The following PDE1C variants were observed in gnomAD, a reference collection of about 807,000 sequenced individuals.
The protein encoded by PDE1C is phosphodiesterase 1C.
PDE1C carries 62 observed loss-of-function variants against 93.1 expected under a neutral mutation model. The ratio of observed to expected loss-of-function variants is 0.67; its 90% CI spans 0.54 to 0.82. The LOEUF (loss-of-function observed/expected upper bound fraction) is 0.82. Ranked by LOEUF, PDE1C falls within the 40% of genes least tolerant of loss-of-function variation. PDE1C has a pLI of 0.00. For synonymous variants in PDE1C, 325 were observed against 310.1 expected, an observed-to-expected ratio of 1.05 and a Z score of -0.50; for missense variants, 742 against 884.6, an observed-to-expected ratio of 0.84 and a Z score of 2.04.
the PDE1C span, among the ~76,000 whole-genome samples, chr7:31,623,515 C>T: frequency 2.6e-5 from 4 of 151,940 alleles, no homozygotes; most frequent in Non-Finnish European, 4.4e-5. Context: ...ACACGATTAT[C>T]TCAATAGATG....
chr7:31,906,907 C>T (rs1377202059), intron 2 of PDE1C, among the ~76,000 whole-genome samples: 1 of 152,158 alleles, frequency 6.6e-6, no homozygotes, highest in East Asian at 1.9e-4. Flanking sequence ...CGCTTTTAAG[C>T]CTTCAGTAGC....
intron 1 of PDE1C, among the ~76,000 whole-genome samples, chr7:32,317,288 G>C (rs1430776329): frequency 6.6e-6 from 1 of 152,120 alleles, no homozygotes; most frequent in Non-Finnish European, 1.5e-5. Context: ...TCCAGCTACT[G>C]TGCCAGACTC....
the PDE1C span, among the ~76,000 whole-genome samples, chr7:31,684,780 T>G: frequency 6.6e-6 from 1 of 152,194 alleles, no homozygotes; most frequent in African/African-American, 2.4e-5. Flanking sequence ...CAAATTCTGG[T>G]GAAGATACAG....
intron 2 of PDE1C, among the ~76,000 whole-genome samples, chr7:31,972,456 T>C (rs1477876228): frequency 6.6e-6 from 1 of 152,200 alleles, no homozygotes; most frequent in Non-Finnish European, 1.5e-5. Context: ...AGAAAGTCTC[T>C]AAGCAAGAGC....
At chr7:31,880,526 C>T (rs146522753) in intron 3 of PDE1C, among the ~76,000 whole-genome samples, 5 of 152,088 alleles carry the variant, frequency 3.3e-5, no homozygotes, top group East Asian at 1.9e-4. Flanking sequence ...CTTGTCATGG[C>T]GGCCATATGA....
chr7:31,737,318 A>G, the PDE1C span, among the ~76,000 whole-genome samples: 1 of 152,078 alleles, frequency 6.6e-6, no homozygotes, highest in Non-Finnish European at 1.5e-5. Context: ...AAAAAAATAT[A>G]TAGATAAATG....
chr7:32,224,106 C>T (rs893110887), intron 1 of PDE1C, among the ~76,000 whole-genome samples: 8 of 152,330 alleles, frequency 5.3e-5, no homozygotes, highest in South Asian at 4.1e-4. Flanking sequence ...GGCACAGTGG[C>T]TCACACCTGT....
At chr7:32,327,811 T>C (rs750623589) in intron 1 of PDE1C, among the ~76,000 whole-genome samples, 7 of 38,554 alleles carry the variant, frequency 1.8e-4, no homozygotes, top group Non-Finnish European at 7.6e-4. Context: ...TAGTGTGGCT[T>C]CTTTTGTGTC....
At chr7:31,896,919 C>A (rs73690326) in intron 2 of PDE1C, among the ~76,000 whole-genome samples, 2,957 of 152,312 alleles carry the variant, frequency 0.019, 96 homozygotes, top group African/African-American at 0.067. Context: ...TACCACAGGA[C>A]ATCTAGCCCA....
At chr7:31,714,823 C>A in the PDE1C span, among the ~76,000 whole-genome samples, 1 of 152,174 alleles carries the variant, frequency 6.6e-6, no homozygotes, top group Non-Finnish European at 1.5e-5. Flanking sequence ...AATTACCTCC[C>A]ACCAGGTCCC....
chr7:32,137,100 T>C (rs2128776992), intron 3 of PDE1C, among the ~76,000 whole-genome samples: 1 of 152,338 alleles, frequency 6.6e-6, no homozygotes, highest in Admixed American at 6.5e-5. Flanking sequence ...AGATGGAGCA[T>C]AAGACTATCA....
At chr7:31,691,964 AAATT>A in the PDE1C span, among the ~76,000 whole-genome samples, 1 of 152,176 alleles carries the variant, frequency 6.6e-6, no homozygotes, top group African/African-American at 2.4e-5. Flanking sequence ...ATGTGTGACT[AAATT>A]AATTAAATTT....
chr7:31,926,268 A>C (rs527329765), intron 2 of PDE1C, among the ~76,000 whole-genome samples: 1 of 152,220 alleles, frequency 6.6e-6, no homozygotes, highest in African/African-American at 2.4e-5. Flanking sequence ...ATGTTTTCCT[A>C]CTCAGAGATT....
At chr7:31,804,431 T>C (rs28490014) in intron 16 of PDE1C, among the ~76,000 whole-genome samples, 4,054 of 151,922 alleles carry the variant, frequency 0.027, 186 homozygotes, top group African/African-American at 0.093. Context: ...AGTTTCCTCA[T>C]TGCATGGGTT....
At chr7:31,836,517 T>A (rs1791131468) in intron 11 of PDE1C, among the ~76,000 whole-genome samples, 1 of 152,076 alleles carries the variant, frequency 6.6e-6, no homozygotes, top group South Asian at 2.1e-4. Context: ...GTATTTTTAG[T>A]AGAGATGGGG....
At chr7:32,137,214 T>C (rs1469141116) in intron 3 of PDE1C, among the ~76,000 whole-genome samples, 2 of 152,348 alleles carry the variant, frequency 1.3e-5, no homozygotes, top group African/African-American at 2.4e-5. Flanking sequence ...CCAGATTTCA[T>C]GCTGCAAGCA....
At chr7:32,009,658 T>C (rs1401406646) in intron 2 of PDE1C, among the ~76,000 whole-genome samples, 5 of 152,192 alleles carry the variant, frequency 3.3e-5, no homozygotes, top group African/African-American at 1.2e-4. Flanking sequence ...CTGCTAATAT[T>C]CAACATTATT....
intron 1 of PDE1C, among the ~76,000 whole-genome samples, chr7:32,261,501 C>G (rs1291306016): frequency 1.3e-5 from 2 of 152,150 alleles, no homozygotes; most frequent in South Asian, 4.1e-4. Flanking sequence ...TCTCGCACAG[C>G]CAGCTCTGCG....
At chr7:32,280,533 G>A (rs1008010290) in intron 1 of PDE1C, among the ~76,000 whole-genome samples, 6 of 152,054 alleles carry the variant, frequency 3.9e-5, no homozygotes, top group South Asian at 2.1e-4. Flanking sequence ...ATACATTGAC[G>A]ATACATATGA....
Sources: allele counts gnomAD v4.1 joint callset (sites outside exome capture counted in the v4.1 genomes callset), GRCh38; gene constraint gnomAD v4.1.1; transcripts MANE v1.5; gene names NCBI Gene and HGNC (gene_info 2026-07-23, HGNC 2026-07-21).